KCNMA1: variants seen among roughly 807,000 people sequenced by gnomAD.
KCNMA1 encodes the protein potassium calcium-activated channel subfamily M alpha 1, also known as Calcium-activated potassium channel subunit alpha-1.
In KCNMA1, 29 loss-of-function variants were observed where a neutral mutation model predicts 140.0. The observed-to-expected ratio is 0.21, with a 90% CI of 0.15 to 0.28. KCNMA1 has a LOEUF of 0.28. Among genes scored for constraint, KCNMA1 ranks in the 10% least tolerant of loss-of-function variants. The probability of loss-of-function intolerance (pLI) is 1.00; values close to 1 mark genes in which losing one functional copy is unlikely to be tolerated. For synonymous variants in KCNMA1, 612 were observed against 611.9 expected (o/e 1.00, Z 0.00); for missense variants, 880 against 1,602.2 (o/e 0.55, Z 7.70).
At chr10:76,974,614 A>G in intron 19 of KCNMA1, 1 of 1,324,310 alleles carries the variant, frequency 7.6e-7, no homozygotes, top group Non-Finnish European at 1.1e-6. Context: ...AAATTAATCC[A>G]TAGTGAAATT....
chr10:77,614,214 T>C (rs961354316), intron 1 of KCNMA1, among the ~76,000 whole-genome samples: 19 of 152,210 alleles, frequency 1.2e-4, no homozygotes, highest in African/African-American at 4.1e-4. Flanking sequence ...TGTGGAGTAT[T>C]AGTCAATTCA....
At chr10:76,876,199 G>T (rs1234447061), downstream of KCNMA1, 1 of 152,584 alleles carries the variant, frequency 6.6e-6, no homozygotes, top group Admixed American at 6.5e-5. Context: ...ACAGGTCATG[G>T]CCCAAAGAGT....
rs765654150 is a variant in KCNMA1, at chr10:76,887,343, T to C, written c.3634A>G (p.Thr1212Ala). 22 of 1,613,890 alleles carry C rather than the reference T, an allele frequency of 1.4e-5. No homozygotes were observed. The highest frequency in any genetic ancestry group is 1.1e-5 in the South Asian group (1 of 91,076). Residue 1212 changes from threonine to alanine, a missense_variant, in exon 28 of 28, where the codon ACA becomes GCA. By Grantham distance (58) the Thr-to-Ala change is moderately conservative. Around this residue, in one of 13 missense-constraint regions of KCNMA1, gnomAD observed 115 missense variants for 139.9 expected, o/e 0.82. Coordinates refer to ENST00000286628, the MANE Select transcript of KCNMA1 (RefSeq NM_001161352.2). ...KSSSVHSIPS[T>A]ANRQNRPKSR... ...TTGGGCCGGTTCTGTCGGTTTGCTGTGGATGGGATGGAGTGAACAGAGGAG... is the reference window on the plus strand; with the variant it reads ...TTGGGCCGGTTCTGTCGGTTTGCTGCGGATGGGATGGAGTGAACAGAGGAG...
intron 11 of KCNMA1, among the ~76,000 whole-genome samples, chr10:77,085,645 T>C (rs1320774438): frequency 6.6e-6 from 1 of 152,204 alleles, no homozygotes; most frequent in Non-Finnish European, 1.5e-5. Context: ...TCCTCCGTGG[T>C]ATGTCACAAA....
intron 2 of KCNMA1, among the ~76,000 whole-genome samples, chr10:77,323,217 C>T (rs2082876908): frequency 6.6e-6 from 1 of 152,154 alleles, no homozygotes; most frequent in Non-Finnish European, 1.5e-5. Flanking sequence ...GGGCTCCCAT[C>T]CACATCTGAT....
intron 3 of KCNMA1, among the ~76,000 whole-genome samples, chr10:77,227,304 AG>A (rs2051822600): frequency 6.6e-6 from 1 of 152,198 alleles, no homozygotes; most frequent in African/African-American, 2.4e-5. Flanking sequence ...TCTGGTTTTG[AG>A]GTTCACCAAG....
chr10:76,916,864 C>G (rs2053146100), intron 23 of KCNMA1, among the ~76,000 whole-genome samples: 1 of 152,166 alleles, frequency 6.6e-6, no homozygotes, highest in Non-Finnish European at 1.5e-5. Context: ...ACTTTCTGCT[C>G]TCCCGTGTAT....
intron 1 of KCNMA1, among the ~76,000 whole-genome samples, chr10:77,554,457 C>CGT (rs137911647): frequency 0.18 from 27,519 of 151,558 alleles, 2,704 homozygotes; most frequent in African/African-American, 0.26. Flanking sequence ...ATTAGCTGAG[C>CGT]GTGCTAGTGT....
At chr10:77,495,263 C>T (rs1371458) in intron 1 of KCNMA1, among the ~76,000 whole-genome samples, 3 of 152,192 alleles carry the variant, frequency 2.0e-5, no homozygotes, top group African/African-American at 7.2e-5. Context: ...TTCCAGCCCC[C>T]ACGTTACCCC....
intron 1 of KCNMA1, among the ~76,000 whole-genome samples, chr10:77,465,272 A>G (rs1566990519): frequency 6.6e-6 from 1 of 152,182 alleles, no homozygotes; most frequent in Non-Finnish European, 1.5e-5. Flanking sequence ...GATTCAACTA[A>G]GTGCAAAGCT....
intron 20 of KCNMA1, 25 bp downstream of exon 20, chr10:76,969,949 G>A (rs745723696): frequency 3.8e-6 from 6 of 1,574,332 alleles, no homozygotes; most frequent in Non-Finnish European, 2.6e-6. Flanking sequence ...GAGGGAAACC[G>A]TGGGCAACCA....
intron 1 of KCNMA1, among the ~76,000 whole-genome samples, chr10:77,626,185 C>CAT (rs1365450145): frequency 6.6e-6 from 1 of 151,782 alleles, no homozygotes; most frequent in African/African-American, 2.4e-5. Context: ...ATGGAGAAAA[C>CAT]AGGGTTGTGA....
chr10:77,278,551 G>GA (rs1042724585), intron 2 of KCNMA1, among the ~76,000 whole-genome samples: 3 of 152,062 alleles, frequency 2.0e-5, no homozygotes, highest in African/African-American at 7.2e-5. Flanking sequence ...CCTGCATTTG[G>GA]AAAAAAACAA....
chr10:77,025,281 T>TATATACAC (rs1394239548), intron 16 of KCNMA1, among the ~76,000 whole-genome samples: 11 of 122,326 alleles, frequency 9.0e-5, no homozygotes, highest in African/African-American at 3.2e-4. Context: ...TATATATATA[T>TATATACAC]ACACACACAC....
chr10:77,300,880 T>A (rs893155170), intron 2 of KCNMA1, among the ~76,000 whole-genome samples: 8 of 152,118 alleles, frequency 5.3e-5, no homozygotes, highest in African/African-American at 1.9e-4. Context: ...ATCCAACAAG[T>A]GGTTCTGAGC....
chr10:76,872,780 A>G (rs888557275), downstream of KCNMA1: 7 of 152,242 alleles, frequency 4.6e-5, no homozygotes, highest in Non-Finnish European at 8.8e-5. Flanking sequence ...CAGCCTACGC[A>G]GTTCAATGCA....
chr10:77,385,670 T>C (rs891793890), intron 2 of KCNMA1, among the ~76,000 whole-genome samples: 32 of 152,184 alleles, frequency 2.1e-4, no homozygotes, highest in Non-Finnish European at 4.4e-5. Flanking sequence ...GCACTGCATC[T>C]TAAAGATGAG....
intron 1 of KCNMA1, among the ~76,000 whole-genome samples, chr10:77,428,672 T>A (rs200272384): frequency 6.6e-6 from 1 of 152,090 alleles, no homozygotes; most frequent in East Asian, 1.9e-4. Flanking sequence ...TGTAATGGAA[T>A]TTCCATTACC....
At chr10:77,429,902 GATGAGTGTCAGAGCCATGC>G (rs2097115025) in intron 1 of KCNMA1, among the ~76,000 whole-genome samples, 2 of 152,248 alleles carry the variant, frequency 1.3e-5, no homozygotes, top group African/African-American at 4.8e-5. Flanking sequence ...CCTACTAAGA[GATGAGTGTCAGAGCCATGC>G]ATAGAAGCTG....
Sources: allele counts gnomAD v4.1 joint callset (sites outside exome capture counted in the v4.1 genomes callset), GRCh38; gene constraint gnomAD v4.1.1; regional missense constraint gnomAD v4.1.1; transcripts MANE v1.5; gene names NCBI Gene and HGNC (gene_info 2026-07-23, HGNC 2026-07-21).